FBN3: variants seen among roughly 807,000 people sequenced by gnomAD.
FBN3 encodes fibrillin-3.
In FBN3, 234 loss-of-function variants were observed where a neutral mutation model predicts 330.1. The ratio of observed to expected loss-of-function variants is 0.71; its 90% CI spans 0.64 to 0.79. The LOEUF is 0.79. FBN3 is among the 30% of genes least tolerant of loss of function. The pLI, the probability that FBN3 is intolerant of heterozygous loss-of-function variation, is 0.00. For synonymous variants in FBN3, 1,458 were observed against 1,517.3 expected, an observed-to-expected ratio of 0.96 and a Z score of 0.91; for missense variants, 3,606 against 3,886.9, an observed-to-expected ratio of 0.93 and a Z score of 1.92.
chr19:8,137,971 C>G (rs2083325656), intron 10 of FBN3, among the ~76,000 whole-genome samples, 170 bp downstream of exon 10: 1 of 152,164 alleles, frequency 6.6e-6, no homozygotes, highest in Non-Finnish European at 1.5e-5. Context: ...TACCTCCATC[C>G]CCATCCACTA....
Position 8,102,203 on chromosome 19 carries a change from C to T in FBN3, c.5089+521G>A, listed in dbSNP as rs566980224. 1.3e-3 allele frequency among the ~76,000 whole-genome samples: 190 copies of T among 149,686 alleles called. 1 individual carries two copies. The Middle Eastern group carries it at 0.024, about 19-fold the overall frequency. On this transcript the variant is annotated intron_variant, in intron 40 of 63. Coordinates refer to ENST00000600128, the MANE Select transcript of FBN3 (RefSeq NM_032447.5). Reference sequence around the variant, plus strand: ...GGAACTGCGAGTCCATTAAAGTCCTCCTTTTTTTTTATTTTTTTATTTTTT... The same window carrying T: ...GGAACTGCGAGTCCATTAAAGTCCTTCTTTTTTTTTATTTTTTTATTTTTT...
At chr19:8,085,923 C>G (rs989986355) in intron 55 of FBN3, among the ~76,000 whole-genome samples, 1 of 147,160 alleles carries the variant, frequency 6.8e-6, no homozygotes, top group Non-Finnish European at 1.5e-5. Flanking sequence ...CTGGGTTGCC[C>G]GTCAGTGCCG....
intron 61 of FBN3, among the ~76,000 whole-genome samples, chr19:8,073,946 G>T (rs1470578260): frequency 6.6e-6 from 1 of 152,124 alleles, no homozygotes; most frequent in African/African-American, 2.4e-5. Context: ...TATCCCACAA[G>T]AGTGAACTAC....
chr19:8,122,339 T>C (rs760212233), intron 24 of FBN3, among the ~76,000 whole-genome samples: 15 of 151,978 alleles, frequency 9.9e-5, no homozygotes, highest in Admixed American at 3.9e-4. Flanking sequence ...AGGTCACCTT[T>C]GCCAGCCCCT....
Position 8,111,136 on chromosome 19 carries a change from A to T in FBN3, c.4132T>A (p.Cys1378Ser). Residue 1378 changes from cysteine (C) to serine (S), a missense_variant, in exon 33 of 64, where the codon TGC (cysteine) becomes AGC (serine). Cys to Ser is a moderately radical substitution (Grantham distance 112, BLOSUM62 -1). Transcript: ENST00000600128. Reference protein sequence around the residue: ...ENVDLCDNGQCLNAPGGYRCE... With the variant: ...ENVDLCDNGQSLNAPGGYRCE... ...CGGTACCCGCCGGGCGCATTGAGGC[A>T]CTGCCCGTTGTCACAGAGGTCCACG... 1 of 1,612,910 alleles carries T rather than the reference A, an allele frequency of 6.2e-7. No individual in the cohort carries two copies. Among genetic ancestry groups the T allele is most frequent in the Non-Finnish European group, 8.5e-7 (1 of 1,179,396 alleles).
intron 25 of FBN3, among the ~76,000 whole-genome samples, chr19:8,120,638 G>C (rs921363944): frequency 2.6e-5 from 4 of 151,894 alleles, no homozygotes; most frequent in African/African-American, 9.7e-5. Context: ...ACCATGCCTA[G>C]CTAATTTTTA....
chr19:8,076,247 C>CGTGTGTGTGTGTGTGTGTGTGTGT (rs34549426), intron 59 of FBN3, among the ~76,000 whole-genome samples: 2 of 147,646 alleles, frequency 1.4e-5, no homozygotes, highest in Admixed American at 6.8e-5. Context: ...TGTCCGTGTG[C>CGTGTGTGTGTGTGTGTGTGTGTGT]GTGTGTGTGT....
chr19:8,138,355 TGGC>T, intron 9 of FBN3, 32 bp from the exon 10 acceptor site: 1 of 1,610,896 alleles, frequency 6.2e-7, no homozygotes. Flanking sequence ...GCCAGGCCCT[TGGC>T]CCTCCCCTGT....
chr19:8,146,288 T>C lies in FBN3; in HGVS notation c.251-63A>G, dbSNP rs953589549. On this transcript the variant is annotated intron_variant, in intron 3 of 63. Coordinates refer to ENST00000600128, the MANE Select transcript of FBN3 (RefSeq NM_032447.5). The stretch of plus-strand genomic sequence containing the variant: ...CGAGCCTGGGCCGTCCCTGCTCCAT[T>C]GGTGTCCGGGCTGGCCGGAACACCT... 13 of 1,416,454 alleles carry C rather than the reference T, an allele frequency of 9.2e-6. No homozygotes were observed. The African/African-American group carries it at 1.6e-4, about 17-fold the overall frequency. 87.7% of individuals were successfully genotyped at this position (1,416,454 alleles called of 1,614,324 possible).
At chr19:8,095,932 T>C (rs748588186) in intron 45 of FBN3, 32 bp downstream of exon 45, 1 of 1,427,170 alleles carries the variant, frequency 7.0e-7, no homozygotes, top group African/African-American at 1.4e-5. Flanking sequence ...AGAACCCACT[T>C]TGTGGCCAGC....
At chr19:8,098,960 C>T (rs1031476423) in intron 41 of FBN3, among the ~76,000 whole-genome samples, 28 of 152,142 alleles carry the variant, frequency 1.8e-4, no homozygotes, top group Non-Finnish European at 3.4e-4. Context: ...TGGGATGTAT[C>T]TGCACCATGA....
In FBN3 at chr19:8,130,603, A is replaced by G. The variant is rs1255738466; in HGVS notation, c.2044+632T>C. On this transcript the variant is annotated intron_variant, in intron 16 of 63. Transcript: ENST00000600128. ...AAGAATGAAAGAAAGAAAGAAAGAA[A>G]GAAAGAAAGAAAGAAAGAAAGAAAG... Among the ~76,000 whole-genome samples the G allele has an allele frequency of 4.5e-3, 66 of 14,514 alleles. 11 individuals carry two copies. Among genetic ancestry groups the G allele is most frequent in the African/African-American group, 8.2e-3 (17 of 2,068 alleles). 9.5% of individuals were successfully genotyped at this position (14,514 alleles called of 152,430 possible).
intron 47 of FBN3, among the ~76,000 whole-genome samples, chr19:8,093,513 T>C (rs1268012280): frequency 6.6e-6 from 1 of 151,990 alleles, no homozygotes; most frequent in Non-Finnish European, 1.5e-5. Context: ...GTCCCAGCTA[T>C]TTGGGAGGTT....
intron 16 of FBN3, among the ~76,000 whole-genome samples, chr19:8,130,805 G>A (rs999683616): frequency 1.5e-4 from 23 of 151,384 alleles, no homozygotes; most frequent in African/African-American, 2.9e-4. Context: ...GCAGTGAGCC[G>A]TGATTGCACC....
Position 8,145,865 on chromosome 19 carries a change from G to A in FBN3, c.423C>T (p.Tyr141=), listed in dbSNP as rs912030019. The part of the protein sequence containing the change: ...RGASCLCQKG[Y]TGTVCGQPIC... ...CACGCTGCCCACACACGGTGCCTGT[G>A]TAGCCCTTCTGACACAGACAGGACG... Residue 141 remains tyrosine, a synonymous_variant, in exon 5 of 64, where the codon TAC becomes TAT. Transcript: ENST00000600128. 1.9e-5 allele frequency: 30 copies of A among 1,551,008 alleles called. No homozygotes were observed. Among genetic ancestry groups the A allele is most frequent in the Non-Finnish European group, 2.4e-5 (28 of 1,146,936 alleles).
chr19:8,117,602 G>T lies in FBN3; in HGVS notation c.3338-13C>A. 1 of 1,527,102 alleles carries T rather than the reference G, an allele frequency of 6.5e-7. No individual in the cohort carries two copies. Among genetic ancestry groups the T allele is most frequent in the Non-Finnish European group, 8.8e-7 (1 of 1,131,508 alleles). 94.6% of individuals were successfully genotyped at this position (1,527,102 alleles called of 1,614,324 possible). A position where few individuals can be genotyped will look rare whatever the true frequency, so the allele number is the denominator to read the frequency against. ...CACTCATCGATGTCTGTGGGGGAGTGCAGGTGAAAGACGGGCCTGTGCCCC... is the reference window on the plus strand; with the variant it reads ...CACTCATCGATGTCTGTGGGGGAGTTCAGGTGAAAGACGGGCCTGTGCCCC... On this transcript the variant is annotated splice_polypyrimidine_tract_variant and intron_variant, in intron 26 of 63. Transcript: ENST00000600128.
chr19:8,089,885 G>A lies in FBN3; in HGVS notation c.6250+9C>T. 1.3e-6 allele frequency: 2 copies of A among 1,591,282 alleles called. No individual in the cohort carries two copies. On this transcript the variant is annotated intron_variant, in intron 50 of 63. Coordinates refer to ENST00000600128, the MANE Select transcript of FBN3 (RefSeq NM_032447.5). ...GAAGGGGCTCTTAGCATGTGGGTGA[G>A]GGGCTCACCTTCTCGGGAGTCATCC...
chr19:8,108,254 G>A lies in FBN3; in HGVS notation c.4619-16C>T. 2 of 1,601,820 alleles carry A rather than the reference G, an allele frequency of 1.2e-6. No homozygotes were observed. The highest frequency in any genetic ancestry group is 1.7e-6 in the Non-Finnish European group (2 of 1,175,070). ...CTGTACTCAGCTGTAAAGGGAAACA[G>A]GCTCCTGTGAGGTGGGGTATTGGGG... is the stretch of plus-strand genomic sequence containing the variant. On this transcript the variant is annotated splice_polypyrimidine_tract_variant and intron_variant, in intron 36 of 63. Coordinates refer to ENST00000600128, the MANE Select transcript of FBN3 (RefSeq NM_032447.5).
Position 8,075,329 on chromosome 19 carries a change from T to G in FBN3, c.7536A>C (p.Glu2512Asp), listed in dbSNP as rs2081615373. 6.2e-7 allele frequency: 1 copy of G among 1,614,224 alleles called. No individual in the cohort carries two copies. Among genetic ancestry groups the G allele is most frequent in the Non-Finnish European group, 8.5e-7 (1 of 1,180,042 alleles). The change falls in exon 60 of 64, where the codon GAA becomes GAC. Residue 2512 changes from glutamate (E) to aspartate (D), a missense_variant. Physicochemically the swap from Glu to Asp is conservative, Grantham distance 45 (BLOSUM62 2). Coordinates refer to ENST00000600128, the MANE Select transcript of FBN3 (RefSeq NM_032447.5). ...CHNTPGSFRC[E>D]CHQGFTLVSS... The stretch of plus-strand genomic sequence containing the variant: ...TGACCAGGGTGAAGCCTTGGTGGCA[T>G]TCACAGCGGAAGCTGCCCGGGGTGT...
Sources: allele counts gnomAD v4.1 joint callset (sites outside exome capture counted in the v4.1 genomes callset), GRCh38; gene constraint gnomAD v4.1.1; transcripts MANE v1.5; gene names NCBI Gene and HGNC (gene_info 2026-07-23, HGNC 2026-07-21).